The following TACC2 variants were observed in gnomAD, a reference collection of about 807,000 sequenced individuals.
TACC2 encodes transforming acidic coiled-coil containing protein 2, also known as transforming acidic coiled-coil-containing protein 2.
TACC2 carries 137 observed loss-of-function variants against 227.3 expected under a neutral mutation model. The observed-to-expected ratio is 0.60, with a 90% CI of 0.52 to 0.69. The LOEUF is 0.69. Ranked by LOEUF, TACC2 falls within the 30% of genes least tolerant of loss-of-function variation. The pLI, the probability that TACC2 is intolerant of heterozygous loss-of-function variation, is 0.00. For synonymous variants in TACC2, 1,523 were observed against 1,487.5 expected, an observed-to-expected ratio of 1.02 and a Z score of -0.55; for missense variants, 3,470 against 3,694.4, an observed-to-expected ratio of 0.94 and a Z score of 1.57.
rs568046513 is a variant in TACC2 at position 122,231,326 on chromosome 10, G to A, written c.8127+886G>A. Among the ~76,000 whole-genome samples, 18 of 141,474 alleles carry A rather than the reference G, an allele frequency of 1.3e-4. No individual in the cohort carries two copies. The South Asian group carries it at 3.9e-3, about 31-fold the overall frequency. 92.8% of individuals were successfully genotyped at this position (141,474 alleles called of 152,430 possible). A position where few individuals can be genotyped will look rare whatever the true frequency, so the allele number is the denominator to read the frequency against. ...CACCCCACCCCAAGTTGGACAGCCC[G>A]ATGAACCTGGTGTGTCAGACTGTGC... On this transcript the variant is annotated intron_variant, in intron 16 of 22. Coordinates refer to ENST00000369005, the MANE Select transcript of TACC2 (RefSeq NM_206862.4).
In TACC2 at chr10:122,242,077, G is replaced by A. The variant is rs1024701595; in HGVS notation, c.8392+76G>A. ...TATGAGGAGGCCTTGGAAGATAGGA[G>A]GCTCAGAGTGGGTTTCTGGTAGAGC... On this transcript the variant is annotated intron_variant, in intron 19 of 22. Coordinates refer to ENST00000369005, the MANE Select transcript of TACC2 (RefSeq NM_206862.4). The A allele has an allele frequency of 3.5e-5, 48 of 1,358,374 alleles. No homozygotes were observed. The Admixed American group carries it at 8.1e-4, about 23-fold the overall frequency. The allele number at this position is 1,358,374 out of a possible 1,614,324, so 84.1% of individuals were successfully genotyped here.
rs114931291 is a variant in TACC2, at chr10:122,249,596, G to T, written c.8713G>T (p.Ala2905Ser). The change falls in exon 22 of 23, where the codon GCC becomes TCC. Residue 2905 changes from alanine to serine, a missense_variant. This residue lies in a region of TACC2 where 89 missense variants were observed against 91.4 expected (regional missense o/e 0.97). Transcript: ENST00000369005. ...VRGKAQQEQAAHQASLRKEQL... is the reference protein window; with the variant it reads ...VRGKAQQEQASHQASLRKEQL... ...AGGCAAGGCCCAGCAGGAGCAAGCCGCCCACCAGGCCAGCCTGCGGAAGGA... is the reference window on the plus strand; with the variant it reads ...AGGCAAGGCCCAGCAGGAGCAAGCCTCCCACCAGGCCAGCCTGCGGAAGGA... 2.5e-6 allele frequency: 4 copies of T among 1,614,098 alleles called. No homozygotes were observed. Among genetic ancestry groups the T allele is most frequent in the Non-Finnish European group, 3.4e-6 (4 of 1,180,012 alleles).
rs983367290 is a variant in TACC2 at position 122,209,489 on chromosome 10, C to T, written c.5972-908C>T. On this transcript the variant is annotated intron_variant, in intron 8 of 22. Coordinates refer to ENST00000369005, the MANE Select transcript of TACC2 (RefSeq NM_206862.4). This position sits in a 1 kb window ranked among gnomAD's most constrained non-coding sequence, Gnocchi z 4.5. ...GCACCAGGTGCTCCTGCCGCAGAGC[C>T]TTTACTCGCACTATTCCTTCTACCC... 6.6e-6 allele frequency among the ~76,000 whole-genome samples: 1 copy of T among 152,216 alleles called. No homozygotes were observed. The highest frequency in any genetic ancestry group is 1.5e-5 in the Non-Finnish European group (1 of 68,050).
intron 3 of TACC2, among the ~76,000 whole-genome samples, chr10:122,064,079 T>C (rs1302373666): frequency 6.6e-6 from 1 of 152,046 alleles, no homozygotes; most frequent in African/African-American, 2.4e-5. Flanking sequence ...GAAGAATCGC[T>C]TGAACCCAGG....
chr10:122,094,647 C>A (rs1056902526), intron 5 of TACC2, among the ~76,000 whole-genome samples: 4 of 152,194 alleles, frequency 2.6e-5, no homozygotes, highest in African/African-American at 9.6e-5. Flanking sequence ...TCCTTGGTGG[C>A]AGGGGCTGGA....
At chr10:122,033,269 C>T in intron 2 of TACC2, 1 of 574,318 alleles carries the variant, frequency 1.7e-6, no homozygotes, top group South Asian at 1.6e-5. Flanking sequence ...TTCTCCTCCT[C>T]CCTCTTCCAT....
chr10:122,085,767 G>A lies in TACC2; in HGVS notation c.3267G>A (p.Arg1089=), dbSNP rs747157686. The change falls in exon 4 of 23, where the codon AGG becomes AGA. Residue 1089 remains arginine (R), a synonymous_variant. Transcript: ENST00000369005. The part of the protein sequence containing the change: ...TEACDETQEG[R]QQPVPAPQQK... Reference sequence around the variant, plus strand: ...CATGTGATGAAACCCAGGAAGGCAGGCAGCAACCAGTGCCGGCCCCGCAGC... The same window carrying A: ...CATGTGATGAAACCCAGGAAGGCAGACAGCAACCAGTGCCGGCCCCGCAGC... The A allele has an allele frequency of 3.7e-6, 6 of 1,613,754 alleles. No homozygotes were observed. The South Asian group carries it at 6.6e-5, about 18-fold the overall frequency.
intron 5 of TACC2, among the ~76,000 whole-genome samples, chr10:122,126,251 G>A (rs2086830399): frequency 6.6e-6 from 1 of 151,628 alleles, no homozygotes; most frequent in South Asian, 2.1e-4. Flanking sequence ...ATTTGTTCAT[G>A]ACTTTATTTA....
chr10:122,035,190 A>G (rs989093029), intron 2 of TACC2, among the ~76,000 whole-genome samples: 9 of 152,302 alleles, frequency 5.9e-5, no homozygotes, highest in Admixed American at 6.5e-5. Flanking sequence ...AGCAGAGCTC[A>G]AGACCTCAGT....
At chr10:122,218,037 T>G (rs1402607439) in intron 11 of TACC2, among the ~76,000 whole-genome samples, 2 of 152,082 alleles carry the variant, frequency 1.3e-5, no homozygotes, top group Non-Finnish European at 2.9e-5. Context: ...CTCCGCCTCC[T>G]GGGTTCAAGC....
At chr10:122,121,200 A>G (rs139604387) in intron 5 of TACC2, among the ~76,000 whole-genome samples, 1 of 152,286 alleles carries the variant, frequency 6.6e-6, no homozygotes, top group East Asian at 1.9e-4. Flanking sequence ...TTGAAACAGT[A>G]CATTCTGTAT....
rs537169387 is a variant in TACC2 at position 122,041,441 on chromosome 10, CT to C, written c.34-8982del. 7.0e-4 allele frequency among the ~76,000 whole-genome samples: 98 copies of C among 140,154 alleles called. 1 individual carries two copies. The highest frequency in any genetic ancestry group is 3.8e-3 in the Middle Eastern group (1 of 262). 91.9% of individuals were successfully genotyped at this position (140,154 alleles called of 152,430 possible). A position where few individuals can be genotyped will look rare whatever the true frequency, so the allele number is the denominator to read the frequency against. ...TTCATGACAGCACAGAGTTTCCTTT[CT>C]TTTTTTTTTTTTTTCTCGTAACGAG... On this transcript the variant is annotated intron_variant, in intron 2 of 22. Transcript: ENST00000369005.
intron 2 of TACC2, among the ~76,000 whole-genome samples, chr10:122,046,677 A>G (rs934577763): frequency 6.6e-6 from 1 of 151,948 alleles, no homozygotes; most frequent in African/African-American, 2.4e-5. Flanking sequence ...TCCTTATTCC[A>G]TCTGTTGTTT....
intron 1 of TACC2, among the ~76,000 whole-genome samples, chr10:122,014,798 A>C: frequency 6.6e-6 from 1 of 152,182 alleles, no homozygotes; most frequent in East Asian, 1.9e-4. Context: ...CCTCAGCCAC[A>C]GTGATTAGTC....
At chr10:122,226,611 T>C in intron 13 of TACC2, 130 bp downstream of exon 13, 1 of 663,772 alleles carries the variant, frequency 1.5e-6, no homozygotes, top group Admixed American at 2.9e-5. Flanking sequence ...CATATTTTTT[T>C]TTTTTTTAAT....
intron 1 of TACC2, among the ~76,000 whole-genome samples, chr10:121,991,398 G>T (rs887861770): frequency 1.1e-4 from 17 of 152,298 alleles, no homozygotes; most frequent in African/African-American, 4.1e-4. Flanking sequence ...GTGATTTTCA[G>T]CAAGGTTGTG....
intron 16 of TACC2, among the ~76,000 whole-genome samples, chr10:122,231,496 G>A (rs2095748299): frequency 6.6e-6 from 1 of 152,072 alleles, no homozygotes; most frequent in Admixed American, 6.5e-5. Context: ...TTGACACATA[G>A]TAGGTGTGTG....
chr10:122,151,213 TA>T (rs1247765164), intron 7 of TACC2, among the ~76,000 whole-genome samples: 1 of 152,102 alleles, frequency 6.6e-6, no homozygotes, highest in Non-Finnish European at 1.5e-5. Context: ...CTTAACATAG[TA>T]CAACCTGATA....
rs770408995 is a variant in TACC2, at chr10:122,084,380, A to G, written c.1880A>G (p.His627Arg). ...KPSSDAESRD[H>R]PSSHSAQPPR... ...AGCAGTGATGCAGAGAGCAGAGACC[A>G]TCCCAGCTCACACTCAGCACAGCCA... Residue 627 changes from histidine (H) to arginine (R), a missense_variant, in exon 4 of 23, where the codon CAT becomes CGT. His to Arg is a conservative substitution (Grantham distance 29, BLOSUM62 0). Coordinates refer to ENST00000369005, the MANE Select transcript of TACC2 (RefSeq NM_206862.4). The G allele has an allele frequency of 2.5e-6, 4 of 1,613,288 alleles. No individual in the cohort carries two copies. The African/African-American group carries it at 5.3e-5, about 22-fold the overall frequency.
Sources: gnomAD v4.1 joint callset for allele counts (sites outside exome capture counted in the v4.1 genomes callset) on GRCh38, gnomAD v4.1.1 for gene constraint, gnomAD v4.1.1 regional missense constraint, Gnocchi (gnomAD v3.1) non-coding constraint, MANE v1.5 for transcripts, NCBI Gene and HGNC (gene_info 2026-07-23, HGNC 2026-07-21) for gene names.